FAM13A: variants seen among roughly 807,000 people sequenced by gnomAD.
FAM13A encodes the protein protein FAM13A.
A neutral mutation model predicts 129.6 loss-of-function variants in FAM13A; 76 were observed. That is an observed-to-expected ratio of 0.59 (90% CI 0.49 to 0.71). FAM13A has a LOEUF of 0.71. Ranked by LOEUF, FAM13A falls within the 30% of genes least tolerant of loss-of-function variation. The pLI, the probability that FAM13A is intolerant of heterozygous loss-of-function variation, is 0.00. For synonymous variants in FAM13A, 443 were observed against 449.9 expected (o/e 0.98, Z 0.20); for missense variants, 1,108 against 1,249.3 (o/e 0.89, Z 1.70).
intron 20 of FAM13A, 189 bp from the exon 21 acceptor site, chr4:88,737,744 C>T: frequency 5.0e-6 from 3 of 600,076 alleles, no homozygotes; most frequent in South Asian, 1.9e-5. Flanking sequence ...TTCCCTTCAG[C>T]GCCCACACAC....
chr4:88,757,337 C>G (rs994778167), intron 14 of FAM13A, among the ~76,000 whole-genome samples: 2 of 152,022 alleles, frequency 1.3e-5, no homozygotes, highest in African/African-American at 4.8e-5. Context: ...TTATCTAGAG[C>G]TTTAGGGTAG....
Position 89,029,630 on chromosome 4 carries a change from C to T in FAM13A, c.47G>A (p.Arg16Gln), listed in dbSNP as rs750376852. Residue 16 changes from arginine to glutamine, a missense_variant, in exon 2 of 24, where the codon CGG becomes CAG. Physicochemically the swap from Arg to Gln is conservative, Grantham distance 43. This residue lies in a region of FAM13A where 566 missense variants were observed against 595.7 expected (regional missense o/e 0.95). Coordinates refer to ENST00000264344, the MANE Select transcript of FAM13A (RefSeq NM_014883.4). ...TATCTTTTTCATGTCTTCTTTCAGC[C>T]GAACCGCTGCTTTACTTTGCTTAAA... The part of the protein sequence containing the change: ...LAICQSKAAV[R>Q]LKEDMKKIVA... 1.4e-5 allele frequency: 22 copies of T among 1,575,596 alleles called. No homozygotes were observed. Among genetic ancestry groups the T allele is most frequent in the South Asian group, 9.5e-5 (8 of 84,024 alleles).
chr4:88,930,859 C>T lies in FAM13A; in HGVS notation c.759+7229G>A, dbSNP rs549025618. On this transcript the variant is annotated intron_variant, in intron 5 of 23. Coordinates refer to ENST00000264344, the MANE Select transcript of FAM13A (RefSeq NM_014883.4). Reference sequence around the variant, plus strand: ...TGAGTGGGGCAGCCTATTCTGCAGTCCCACAGCCGCTTATAGCAAGGTGAT... The same window carrying T: ...TGAGTGGGGCAGCCTATTCTGCAGTTCCACAGCCGCTTATAGCAAGGTGAT... Among the ~76,000 whole-genome samples the T allele has an allele frequency of 1.1e-4, 16 of 152,252 alleles. No individual in the cohort carries two copies. The South Asian group carries it at 3.3e-3, about 32-fold the overall frequency.
intron 1 of FAM13A, among the ~76,000 whole-genome samples, chr4:89,035,065 A>G (rs565155774): frequency 6.6e-6 from 1 of 152,328 alleles, no homozygotes; most frequent in East Asian, 1.9e-4. Context: ...GAATGAAATC[A>G]TGTCCTCTGG....
chr4:88,970,451 A>G (rs1340710974), intron 4 of FAM13A, among the ~76,000 whole-genome samples: 1 of 151,324 alleles, frequency 6.6e-6, no homozygotes, highest in Non-Finnish European at 1.5e-5. Flanking sequence ...AGAGATATAT[A>G]TATATATGAT....
intron 4 of FAM13A, among the ~76,000 whole-genome samples, chr4:88,964,928 C>T (rs1179089725): frequency 1.3e-5 from 2 of 152,090 alleles, no homozygotes; most frequent in Non-Finnish European, 2.9e-5. Context: ...GCGCCCGGCC[C>T]ACTCTGCTCT....
intron 11 of FAM13A, among the ~76,000 whole-genome samples, chr4:88,779,692 C>T (rs2149606397): frequency 6.6e-6 from 1 of 152,272 alleles, no homozygotes; most frequent in South Asian, 2.1e-4. Context: ...TAGGATCTTC[C>T]ATCCCAGTGT....
chr4:88,910,321 T>C (rs1024598390), intron 5 of FAM13A, among the ~76,000 whole-genome samples: 3 of 152,130 alleles, frequency 2.0e-5, no homozygotes, highest in Non-Finnish European at 4.4e-5. Flanking sequence ...AGAACACCAG[T>C]TAAAAATACA....
intron 21 of FAM13A, chr4:88,732,618 C>G (rs1738076529): frequency 6.9e-6 from 1 of 143,992 alleles, no homozygotes; most frequent in South Asian, 2.5e-4. Flanking sequence ...ACTTGGGTAT[C>G]TCAGATGGCT....
At chr4:88,999,433 G>A (rs1428390548) in intron 3 of FAM13A, among the ~76,000 whole-genome samples, 2 of 152,086 alleles carry the variant, frequency 1.3e-5, no homozygotes, top group African/African-American at 4.8e-5. Flanking sequence ...ACAGCATATA[G>A]GACAGAGAGC....
At chr4:88,938,889 A>G (rs1754272111) in intron 4 of FAM13A, among the ~76,000 whole-genome samples, 1 of 152,222 alleles carries the variant, frequency 6.6e-6, no homozygotes, top group Non-Finnish European at 1.5e-5. Context: ...TAGTAGTTAC[A>G]CTATGTAAAG....
At chr4:88,819,454 T>A (rs550248934) in intron 7 of FAM13A, among the ~76,000 whole-genome samples, 3 of 152,302 alleles carry the variant, frequency 2.0e-5, no homozygotes, top group Admixed American at 2.0e-4. Flanking sequence ...GACTCAGAGT[T>A]AAAATTTTGT....
chr4:88,964,448 C>T (rs1385539500), intron 4 of FAM13A, among the ~76,000 whole-genome samples: 1 of 151,762 alleles, frequency 6.6e-6, no homozygotes, highest in Non-Finnish European at 1.5e-5. Context: ...TAGGAAAGAC[C>T]TCCTAGAGGA....
intron 3 of FAM13A, among the ~76,000 whole-genome samples, chr4:89,016,053 T>C (rs1394622657): frequency 6.6e-6 from 1 of 152,148 alleles, no homozygotes; most frequent in Non-Finnish European, 1.5e-5. Context: ...ATTGCTATTG[T>C]AGGAGATGGC....
chr4:89,046,776 AG>A (rs1304468974), intron 1 of FAM13A, among the ~76,000 whole-genome samples: 2 of 152,176 alleles, frequency 1.3e-5, no homozygotes, highest in African/African-American at 4.8e-5. Flanking sequence ...ACTTGAGCCA[AG>A]GAAGTTGAGG....
chr4:88,836,825 T>C, intron 7 of FAM13A, among the ~76,000 whole-genome samples: 1 of 151,672 alleles, frequency 6.6e-6, no homozygotes. Flanking sequence ...CCGGGCATGG[T>C]GGCGGGTGTT....
chr4:88,830,648 TACGGGC>T (rs1228977595), intron 7 of FAM13A, among the ~76,000 whole-genome samples: 1 of 152,194 alleles, frequency 6.6e-6, no homozygotes, highest in Non-Finnish European at 1.5e-5. Context: ...TTAAAAGTGA[TACGGGC>T]TTACTTCATT....
intron 10 of FAM13A, among the ~76,000 whole-genome samples, chr4:88,781,837 T>C (rs892642544): frequency 6.0e-5 from 9 of 149,794 alleles, no homozygotes; most frequent in Admixed American, 4.0e-4. Context: ...CCGGAGACTG[T>C]TGTGGGGTGG....
At chr4:88,930,080 A>G (rs1028504331) in intron 5 of FAM13A, among the ~76,000 whole-genome samples, 1 of 151,878 alleles carries the variant, frequency 6.6e-6, no homozygotes, top group Non-Finnish European at 1.5e-5. Flanking sequence ...TCACATTCAT[A>G]TCCTGAATTG....
Sources: gnomAD v4.1 joint callset for allele counts (sites outside exome capture counted in the v4.1 genomes callset) on GRCh38, gnomAD v4.1.1 for gene constraint, gnomAD v4.1.1 regional missense constraint, MANE v1.5 for transcripts, NCBI Gene and HGNC (gene_info 2026-07-23, HGNC 2026-07-21) for gene names.